The following CCDC138 variants were observed in gnomAD, a reference collection of about 807,000 sequenced individuals.
CCDC138 encodes coiled-coil domain containing 138, also known as coiled-coil domain-containing protein 138.
In CCDC138, 66 loss-of-function variants were observed where a neutral mutation model predicts 82.3. The observed-to-expected ratio is 0.80, with a 90% CI of 0.66 to 0.98. CCDC138 has a LOEUF of 0.98. CCDC138 is among the 50% of genes least tolerant of loss of function. The probability of loss-of-function intolerance (pLI) is 0.00; values close to 1 mark genes in which losing one functional copy is unlikely to be tolerated. For synonymous variants in CCDC138, 297 were observed against 265.4 expected, an observed-to-expected ratio of 1.12 and a Z score of -1.16; for missense variants, 816 against 758.9, an observed-to-expected ratio of 1.08 and a Z score of -0.88.
intron 7 of CCDC138, among the ~76,000 whole-genome samples, chr2:108,809,754 G>T (rs1683478958): frequency 6.6e-6 from 1 of 152,046 alleles, no homozygotes; most frequent in African/African-American, 2.4e-5. Flanking sequence ...TTGCATTGAA[G>T]ATCATGTCAT....
rs768414745 is a variant in CCDC138 at position 108,786,775 on chromosome 2, G to A, written c.-48G>A. The A allele has an allele frequency of 2.0e-6, 3 of 1,519,052 alleles. No individual in the cohort carries two copies. The Admixed American group carries it at 5.9e-5, about 30-fold the overall frequency. 94.1% of individuals were successfully genotyped at this position (1,519,052 alleles called of 1,614,324 possible). On this transcript the variant is annotated 5_prime_UTR_variant, in exon 1 of 15. Transcript: ENST00000295124. The stretch of plus-strand genomic sequence containing the variant: ...GCACTGCGGCCGCGTAGCGCCGCGG[G>A]TTTGATGAACGCGGTTCCCGGGGAG...
chr2:108,853,965 AAAATATATATAATATATAATATATAAT>A (rs1231394982), intron 12 of CCDC138, among the ~76,000 whole-genome samples: 10 of 113,236 alleles, frequency 8.8e-5, no homozygotes, highest in African/African-American at 1.8e-4. Flanking sequence ...TATATATAAT[AAAATATATATAATATATAATATATAAT>A]AAATTTATAT....
In CCDC138 at chr2:108,788,887, T is replaced by C; in HGVS notation, c.187T>C (p.Ser63Pro). ...TATCTACTCTGGAGATAAAGTTGGT[T>C]CATCGTTAAAATATTCTGATGAAAG... Reference protein sequence around the residue: ...LDIYSGDKVGSSLKYSDESKH... With the variant: ...LDIYSGDKVGPSLKYSDESKH... The change falls in exon 3 of 15, where the codon TCA becomes CCA. Residue 63 changes from serine to proline, a missense_variant. Physicochemically the swap from Ser to Pro is moderately conservative, Grantham distance 74 (BLOSUM62 -1). Transcript: ENST00000295124. 1 of 1,614,158 alleles carries C rather than the reference T, an allele frequency of 6.2e-7. No individual in the cohort carries two copies. The highest frequency in any genetic ancestry group is 8.5e-7 in the Non-Finnish European group (1 of 1,180,000).
intron 6 of CCDC138, among the ~76,000 whole-genome samples, chr2:108,800,802 A>C (rs1573964154): frequency 2.2e-5 from 2 of 89,458 alleles, no homozygotes; most frequent in Non-Finnish European, 2.2e-5. Context: ...CACAGTCCCC[A>C]GAGTGTGATA....
chr2:108,865,155 T>C (rs1424593253), intron 13 of CCDC138, among the ~76,000 whole-genome samples: 2 of 152,090 alleles, frequency 1.3e-5, no homozygotes, highest in Non-Finnish European at 2.9e-5. Flanking sequence ...TATATAGATA[T>C]ATATTATGAT....
chr2:108,840,875 A>G (rs920649166), intron 11 of CCDC138, among the ~76,000 whole-genome samples: 2 of 151,798 alleles, frequency 1.3e-5, no homozygotes, highest in African/African-American at 4.8e-5. Flanking sequence ...TCACTGGCAC[A>G]GTCTCGGCTC....
At chr2:108,834,402 T>TG (rs1412319698) in intron 10 of CCDC138, among the ~76,000 whole-genome samples, 3 of 151,646 alleles carry the variant, frequency 2.0e-5, no homozygotes, top group Non-Finnish European at 4.4e-5. Flanking sequence ...TAGAGACAGA[T>TG]GGGGGTTTCA....
Position 108,809,866 on chromosome 2 carries a change from C to T in CCDC138, c.856-2765C>T, listed in dbSNP as rs1315216967. ...TGTCGCCCAGGCTGGAGTGCAGCAG[C>T]ACGATATCTGCTCACTGCAACCTCC... On this transcript the variant is annotated intron_variant, in intron 7 of 14. Transcript: ENST00000295124. Among the ~76,000 whole-genome samples the T allele has an allele frequency of 4.6e-5, 7 of 152,230 alleles. No individual in the cohort carries two copies. In the East Asian group the frequency reaches 1.4e-3, roughly 29 times the overall value.
intron 11 of CCDC138, among the ~76,000 whole-genome samples, chr2:108,843,844 TTGTG>T (rs71383805): frequency 6.1e-4 from 14 of 22,836 alleles, no homozygotes; most frequent in Admixed American, 1.8e-3. Context: ...AGTTCATGTT[TTGTG>T]TGTGTGTGTG....
chr2:108,788,573 A>G (rs1679340562), intron 2 of CCDC138, among the ~76,000 whole-genome samples: 2 of 151,690 alleles, frequency 1.3e-5, no homozygotes, highest in South Asian at 4.2e-4. Flanking sequence ...ACAAAAAATT[A>G]GCCGGGTGTG....
chr2:108,794,673 G>C lies in CCDC138; in HGVS notation c.528G>C (p.Gln176His). 2 of 1,614,008 alleles carry C rather than the reference G, an allele frequency of 1.2e-6. No homozygotes were observed. Among genetic ancestry groups the C allele is most frequent in the East Asian group, 4.5e-5 (2 of 44,862 alleles). Reference sequence around the variant, plus strand: ...ACAAGCGGAGTTTACTTCCACATCAGATCAGTCAGATATATGACGAATTAT... The same window carrying C: ...ACAAGCGGAGTTTACTTCCACATCACATCAGTCAGATATATGACGAATTAT... ...ASDKRSLLPH[Q>H]ISQIYDELFQ... The change falls in exon 5 of 15, where the codon CAG becomes CAC. Residue 176 changes from glutamine (Q) to histidine (H), a missense_variant. Coordinates refer to ENST00000295124, the MANE Select transcript of CCDC138 (RefSeq NM_144978.3).
chr2:108,883,235 T>G (rs1372442030), intron 2 of CCDC138: 1 of 152,182 alleles, frequency 6.6e-6, no homozygotes, highest in Non-Finnish European at 1.5e-5. Context: ...CTGAAAATAT[T>G]TCATGGCAAA....
intron 10 of CCDC138, among the ~76,000 whole-genome samples, chr2:108,820,822 C>T (rs1412264882): frequency 1.3e-5 from 2 of 152,050 alleles, no homozygotes; most frequent in Non-Finnish European, 2.9e-5. Flanking sequence ...TACACCTGCC[C>T]TATAAAAATT....
At chr2:108,859,982 T>C (rs1363780311) in intron 13 of CCDC138, among the ~76,000 whole-genome samples, 2 of 152,146 alleles carry the variant, frequency 1.3e-5, no homozygotes, top group African/African-American at 2.4e-5. Flanking sequence ...TTTCCTTTAG[T>C]AGTGTTTTAT....
rs760937756 is a variant in CCDC138 at position 108,811,247 on chromosome 2, C to CTCT, written c.856-1383_856-1382insCTT. 7.0e-5 allele frequency among the ~76,000 whole-genome samples: 8 copies of CTCT among 113,908 alleles called. No homozygotes were observed. In the East Asian group the frequency reaches 9.4e-4, roughly 13 times the overall value. 74.7% of individuals were successfully genotyped at this position (113,908 alleles called of 152,430 possible). A position where few individuals can be genotyped will look rare whatever the true frequency, so the allele number is the denominator to read the frequency against. On this transcript the variant is annotated intron_variant, in intron 7 of 14. Transcript: ENST00000295124. ...CTCCCTTTTCTTTCTTTCTCTCTCT[C>CTCT]TTTTTTTTTTTTTTTGACTGTCTCC...
At chr2:108,826,403 G>A (rs1686601942) in intron 10 of CCDC138, among the ~76,000 whole-genome samples, 1 of 151,940 alleles carries the variant, frequency 6.6e-6, no homozygotes, top group African/African-American at 2.4e-5. Context: ...ACATGTTTAG[G>A]CCTTTGATGC....
intron 10 of CCDC138, among the ~76,000 whole-genome samples, chr2:108,817,173 G>C (rs1057310959): frequency 3.9e-5 from 6 of 152,178 alleles, no homozygotes; most frequent in Admixed American, 3.3e-4. Context: ...GGTGGTCCTG[G>C]TAATCACACA....
intron 3 of CCDC138, among the ~76,000 whole-genome samples, chr2:108,791,140 AATTT>A (rs565055409): frequency 9.9e-4 from 150 of 152,178 alleles, no homozygotes; most frequent in African/African-American, 3.4e-3. Context: ...ATATTTTTAA[AATTT>A]ATTTTTTTAA....
intron 3 of CCDC138, among the ~76,000 whole-genome samples, chr2:108,790,790 G>C (rs1679781670): frequency 6.6e-6 from 1 of 152,150 alleles, no homozygotes; most frequent in South Asian, 2.1e-4. Flanking sequence ...CGAGCCTGTT[G>C]CCCAGGCTGT....
Sources: allele counts gnomAD v4.1 joint callset (sites outside exome capture counted in the v4.1 genomes callset), GRCh38; gene constraint gnomAD v4.1.1; transcripts MANE v1.5; gene names NCBI Gene and HGNC (gene_info 2026-07-23, HGNC 2026-07-21).